TANC2: variants seen among roughly 807,000 people sequenced by gnomAD.
The protein encoded by TANC2 is tetratricopeptide repeat, ankyrin repeat and coiled-coil containing 2.
Under a neutral mutation model 210.5 loss-of-function variants are expected in TANC2, and 26 were observed. The observed-to-expected ratio is 0.12, with a 90% confidence interval of 0.09 to 0.17. The LOEUF is 0.17. Ranked by LOEUF, TANC2 falls within the 10% of genes least tolerant of loss-of-function variation. TANC2 has a pLI of 1.00. For synonymous variants in TANC2, 931 were observed against 967.1 expected (o/e 0.96, Z 0.69); for missense variants, 2,129 against 2,608.9 (o/e 0.82, Z 4.01).
chr17:62,969,488 T>C (rs767292370), intron 1 of TANC2, among the ~76,000 whole-genome samples: 1 of 152,242 alleles, frequency 6.6e-6, no homozygotes, highest in Non-Finnish European at 1.5e-5. Flanking sequence ...ACAACTCACA[T>C]AGATGTTAAG....
chr17:62,992,668 G>GCAAA (rs1166917565), intron 1 of TANC2, among the ~76,000 whole-genome samples: 12 of 152,142 alleles, frequency 7.9e-5, no homozygotes, highest in Non-Finnish European at 8.8e-5. Flanking sequence ...CATAGCATTT[G>GCAAA]GATCACCACA....
chr17:62,980,235 A>G (rs978323038), intron 1 of TANC2, among the ~76,000 whole-genome samples: 1 of 152,188 alleles, frequency 6.6e-6, no homozygotes, highest in East Asian at 1.9e-4. Context: ...TATTGGGAAC[A>G]GAGATGTTCT....
At chr17:63,059,053 G>T (rs1046377787) in intron 2 of TANC2, among the ~76,000 whole-genome samples, 1 of 152,108 alleles carries the variant, frequency 6.6e-6, no homozygotes, top group African/African-American at 2.4e-5. Context: ...TAATGATATT[G>T]ATTCTTCTGA....
intron 4 of TANC2, among the ~76,000 whole-genome samples, chr17:63,107,521 A>T (rs2037873502): frequency 6.6e-6 from 1 of 151,774 alleles, no homozygotes; most frequent in Non-Finnish European, 1.5e-5. Context: ...GTTCACACCA[A>T]AACTTGTACA....
At chr17:63,138,378 T>C (rs2039168060) in intron 4 of TANC2, among the ~76,000 whole-genome samples, 1 of 152,234 alleles carries the variant, frequency 6.6e-6, no homozygotes, top group Admixed American at 6.5e-5. Context: ...GATACATCTT[T>C]GTGAGAGGAC....
chr17:63,028,326 G>A (rs373827436), intron 2 of TANC2, among the ~76,000 whole-genome samples: 16 of 152,274 alleles, frequency 1.1e-4, no homozygotes, highest in African/African-American at 3.8e-4. Context: ...AGGGTCTCCA[G>A]CTGGACCTGA....
At chr17:63,109,053 A>T (rs1001066891) in intron 4 of TANC2, among the ~76,000 whole-genome samples, 3 of 151,564 alleles carry the variant, frequency 2.0e-5, no homozygotes, top group Admixed American at 1.3e-4. Flanking sequence ...GGAAATTAAC[A>T]TGTATTATGT....
chr17:63,205,830 G>A (rs2041692214), intron 7 of TANC2, among the ~76,000 whole-genome samples: 1 of 151,890 alleles, frequency 6.6e-6, no homozygotes, highest in Admixed American at 6.6e-5. Flanking sequence ...ATCACTTGAA[G>A]CCGGGAAGCA....
chr17:63,083,499 G>A (rs920300744), intron 3 of TANC2, among the ~76,000 whole-genome samples: 25 of 152,190 alleles, frequency 1.6e-4, no homozygotes, highest in Middle Eastern at 3.4e-3. Context: ...CCTTTTTCTG[G>A]TCCTCAGACC....
intron 1 of TANC2, among the ~76,000 whole-genome samples, chr17:62,968,188 T>G (rs1285473702): frequency 2.6e-5 from 4 of 152,236 alleles, no homozygotes; most frequent in Admixed American, 2.6e-4. Context: ...GTAACTTATA[T>G]GTATACATAC....
At chr17:63,413,776 T>C (rs1211333652) in intron 25 of TANC2, 142 bp downstream of exon 25, 5 of 755,228 alleles carry the variant, frequency 6.6e-6, no homozygotes, top group Non-Finnish European at 1.1e-5. Flanking sequence ...GCCTCATATG[T>C]TGGGGATCCT....
intron 7 of TANC2, among the ~76,000 whole-genome samples, chr17:63,201,836 A>G (rs1169446621): frequency 1.3e-5 from 2 of 151,958 alleles, no homozygotes; most frequent in Non-Finnish European, 2.9e-5. Context: ...GGGCTCATTC[A>G]TGTTCAGGAG....
chr17:63,066,774 G>A (rs1249695477), intron 2 of TANC2, among the ~76,000 whole-genome samples: 3 of 150,042 alleles, frequency 2.0e-5, no homozygotes, highest in Non-Finnish European at 4.4e-5. Context: ...TCCTAGCACT[G>A]TGCTCCAGAC....
intron 2 of TANC2, among the ~76,000 whole-genome samples, chr17:63,066,561 C>T (rs1400636701): frequency 2.0e-5 from 3 of 152,206 alleles, no homozygotes; most frequent in South Asian, 2.1e-4. Flanking sequence ...ACTCAACACT[C>T]AGAATATGCC....
Position 63,411,992 on chromosome 17 carries a change from T to A in TANC2, c.3766-6T>A. The A allele has an allele frequency of 6.2e-7, 1 of 1,613,844 alleles. No individual in the cohort carries two copies. Among genetic ancestry groups the A allele is most frequent in the Non-Finnish European group, 8.5e-7 (1 of 1,179,834 alleles). On this transcript the variant is annotated splice_polypyrimidine_tract_variant and splice_region_variant and intron_variant, in intron 22 of 27. Transcript: ENST00000689528. ...TCCTAACTTCTCTGCTTGATCCGTG[T>A]CCTAGGTCCAGTTCCTGGTAGATCA...
chr17:63,296,068 C>G (rs2044526867), intron 9 of TANC2, among the ~76,000 whole-genome samples: 1 of 152,054 alleles, frequency 6.6e-6, no homozygotes, highest in African/African-American at 2.4e-5. Context: ...CCCAAGAAAC[C>G]CCCTGAGTGG....
chr17:63,086,242 G>A (rs538089388), intron 3 of TANC2, among the ~76,000 whole-genome samples: 12 of 152,028 alleles, frequency 7.9e-5, no homozygotes, highest in African/African-American at 2.7e-4. Context: ...GGGAGTACTC[G>A]GAGCTTTCTG....
At chr17:63,244,831 G>A (rs527458494) in intron 8 of TANC2, among the ~76,000 whole-genome samples, 1 of 152,308 alleles carries the variant, frequency 6.6e-6, no homozygotes, top group South Asian at 2.1e-4. Context: ...CATGGAGGCA[G>A]GTCTTTCCTG....
intron 2 of TANC2, among the ~76,000 whole-genome samples, chr17:63,015,904 T>C (rs1301277764): frequency 6.6e-6 from 1 of 152,146 alleles, no homozygotes; most frequent in Non-Finnish European, 1.5e-5. Context: ...TCAAATACGC[T>C]TCTTTGAGTC....
Sources: gnomAD v4.1 joint callset for allele counts (sites outside exome capture counted in the v4.1 genomes callset) on GRCh38, gnomAD v4.1.1 for gene constraint, MANE v1.5 for transcripts, NCBI Gene and HGNC (gene_info 2026-07-23, HGNC 2026-07-21) for gene names.